Variants in CLSTN2 observed in about 807,000 individuals in gnomAD.
CLSTN2 encodes calsyntenin-2.
A neutral mutation model predicts 101.2 loss-of-function variants in CLSTN2; 48 were observed. That is an observed-to-expected ratio of 0.47 (90% CI 0.38 to 0.60). The LOEUF (loss-of-function observed/expected upper bound fraction) is 0.60. Ranked by LOEUF, CLSTN2 falls within the 20% of genes least tolerant of loss-of-function variation. CLSTN2 has a pLI of 0.00. For synonymous variants in CLSTN2, 481 were observed against 463.6 expected (o/e 1.04, Z -0.48); for missense variants, 1,160 against 1,238.2 (o/e 0.94, Z 0.95).
chr3:140,145,922 C>G (rs755031545), intron 1 of CLSTN2, among the ~76,000 whole-genome samples: 2 of 152,226 alleles, frequency 1.3e-5, no homozygotes, highest in Non-Finnish European at 2.9e-5. Context: ...GACTGCCTGG[C>G]CTCTGTGATG....
chr3:140,131,075 G>T (rs2009515572), intron 1 of CLSTN2, among the ~76,000 whole-genome samples: 1 of 151,892 alleles, frequency 6.6e-6, no homozygotes. Flanking sequence ...CAGAAATGAA[G>T]AACTTTCTTG....
intron 1 of CLSTN2, among the ~76,000 whole-genome samples, chr3:140,020,278 TG>T (rs2007280783): frequency 2.6e-5 from 4 of 152,124 alleles, no homozygotes; most frequent in Non-Finnish European, 5.9e-5. Context: ...GGTGACTCTG[TG>T]AGAAGACCCT....
chr3:140,139,307 T>C (rs2009661220), intron 1 of CLSTN2, among the ~76,000 whole-genome samples: 2 of 152,164 alleles, frequency 1.3e-5, no homozygotes, highest in Non-Finnish European at 1.5e-5. Flanking sequence ...GAAATCATAA[T>C]ATTTTCCCTT....
At chr3:140,443,099 C>T (rs192917285) in intron 5 of CLSTN2, among the ~76,000 whole-genome samples, 1 of 152,366 alleles carries the variant, frequency 6.6e-6, no homozygotes, top group East Asian at 1.9e-4. Context: ...CCATCCCTCT[C>T]ACTCCCCGGT....
chr3:140,255,352 A>G (rs746588335), intron 2 of CLSTN2, among the ~76,000 whole-genome samples: 2 of 152,224 alleles, frequency 1.3e-5, no homozygotes, highest in Non-Finnish European at 2.9e-5. Flanking sequence ...CATGCAGTGT[A>G]TGTTCATTGC....
At chr3:140,197,707 G>C (rs1467637867) in intron 2 of CLSTN2, among the ~76,000 whole-genome samples, 1 of 152,176 alleles carries the variant, frequency 6.6e-6, no homozygotes, top group Non-Finnish European at 1.5e-5. Flanking sequence ...TAGAGGCCAA[G>C]GATGCAGCCA....
chr3:140,553,438 T>C (rs1935743581), intron 10 of CLSTN2, among the ~76,000 whole-genome samples: 1 of 152,208 alleles, frequency 6.6e-6, no homozygotes, highest in South Asian at 2.1e-4. Flanking sequence ...TTGCATTTTG[T>C]ACTAGAACTG....
intron 1 of CLSTN2, among the ~76,000 whole-genome samples, chr3:140,082,441 G>T (rs1179502754): frequency 6.6e-6 from 1 of 152,176 alleles, no homozygotes; most frequent in Non-Finnish European, 1.5e-5. Context: ...GGCCAACAAG[G>T]TTGGCAAATG....
Position 140,275,961 on chromosome 3 carries a change from C to T in CLSTN2, c.232+99888C>T, listed in dbSNP as rs936382568. 7.9e-5 allele frequency among the ~76,000 whole-genome samples: 12 copies of T among 152,206 alleles called. No individual in the cohort carries two copies. In the East Asian group the frequency reaches 2.3e-3, roughly 29 times the overall value. On this transcript the variant is annotated intron_variant, in intron 2 of 16. Coordinates refer to ENST00000458420, the MANE Select transcript of CLSTN2 (RefSeq NM_022131.3). ...ATTGTAAGCAGGGGCATAGGGTGAA[C>T]ACAGATACAAAAGCAGTGACCAGGT... is the stretch of plus-strand genomic sequence containing the variant.
chr3:140,109,422 T>C (rs551933061), intron 1 of CLSTN2, among the ~76,000 whole-genome samples: 2 of 152,228 alleles, frequency 1.3e-5, no homozygotes, highest in South Asian at 2.1e-4. Context: ...TGTGCTCTAA[T>C]TGGGAGAGGT....
chr3:140,360,894 G>A (rs1289820788), intron 2 of CLSTN2, among the ~76,000 whole-genome samples: 1 of 152,070 alleles, frequency 6.6e-6, no homozygotes, highest in Non-Finnish European at 1.5e-5. Context: ...AAAAACTCAG[G>A]CCCAGATGAC....
At chr3:140,060,178 G>A (rs2008178186) in intron 1 of CLSTN2, among the ~76,000 whole-genome samples, 1 of 152,218 alleles carries the variant, frequency 6.6e-6, no homozygotes, top group Admixed American at 6.5e-5. Flanking sequence ...GCATCGTTAT[G>A]CCTTTGTTCT....
chr3:140,038,683 C>G (rs1485103060), intron 1 of CLSTN2, among the ~76,000 whole-genome samples: 1 of 152,110 alleles, frequency 6.6e-6, no homozygotes, highest in Non-Finnish European at 1.5e-5. Flanking sequence ...TAATTCCTCA[C>G]TATCATGAAA....
chr3:140,174,086 C>G (rs548926664), intron 1 of CLSTN2, among the ~76,000 whole-genome samples: 2 of 152,302 alleles, frequency 1.3e-5, no homozygotes, highest in East Asian at 3.9e-4. Flanking sequence ...TCAAACTTAT[C>G]TGCTCTGTTT....
intron 8 of CLSTN2, among the ~76,000 whole-genome samples, chr3:140,524,045 C>T (rs349566): frequency 0.25 from 38,251 of 152,074 alleles, 6,429 homozygotes; most frequent in African/African-American, 0.46. Context: ...ATAGATAAGA[C>T]GAAAGCATTA....
intron 2 of CLSTN2, among the ~76,000 whole-genome samples, chr3:140,340,420 AC>A (rs367917598): frequency 9.8e-5 from 15 of 152,366 alleles, no homozygotes; most frequent in African/African-American, 3.4e-4. Context: ...TAATCTGTAT[AC>A]CCATAGAATG....
At chr3:140,518,183 T>G (rs528040886) in intron 8 of CLSTN2, among the ~76,000 whole-genome samples, 5 of 152,176 alleles carry the variant, frequency 3.3e-5, no homozygotes, top group Non-Finnish European at 7.4e-5. Flanking sequence ...TTCCAGGCAG[T>G]GGGTGAGCTG....
At chr3:140,004,119 C>T (rs1170149351) in intron 1 of CLSTN2, among the ~76,000 whole-genome samples, 2 of 152,174 alleles carry the variant, frequency 1.3e-5, no homozygotes, top group Non-Finnish European at 2.9e-5. Flanking sequence ...AATATGCACT[C>T]ATATTTTATA....
At chr3:140,171,697 T>G (rs2010223458) in intron 1 of CLSTN2, among the ~76,000 whole-genome samples, 1 of 91,048 alleles carries the variant, frequency 1.1e-5, no homozygotes, top group African/African-American at 4.3e-5. Context: ...TATATATTAA[T>G]ATATAATATG....
Sources: gnomAD v4.1 joint callset for allele counts (sites outside exome capture counted in the v4.1 genomes callset) on GRCh38, gnomAD v4.1.1 for gene constraint, MANE v1.5 for transcripts, NCBI Gene and HGNC (gene_info 2026-07-23, HGNC 2026-07-21) for gene names.